Variants in HDAC9 observed in about 807,000 individuals in gnomAD.
The protein encoded by HDAC9 is histone deacetylase 9, also known as MEF-2 interacting transcription repressor (MITR) protein.
Under a neutral mutation model 139.4 loss-of-function variants are expected in HDAC9, and 41 were observed. The observed-to-expected ratio is 0.29, with a 90% confidence interval of 0.23 to 0.38. The LOEUF (loss-of-function observed/expected upper bound fraction) is 0.38. Among genes scored for constraint, HDAC9 ranks in the 10% least tolerant of loss-of-function variants. The pLI, the probability that HDAC9 is intolerant of heterozygous loss-of-function variation, is 1.00. For synonymous variants in HDAC9, 517 were observed against 476.2 expected (o/e 1.09, Z -1.12); for missense variants, 1,147 against 1,297.0 (o/e 0.88, Z 1.78).
chr7:18,606,814 A>AT (rs916034962), intron 6 of HDAC9, among the ~76,000 whole-genome samples: 30 of 152,278 alleles, frequency 2.0e-4, no homozygotes, highest in African/African-American at 6.5e-4. Context: ...TAAGATACTC[A>AT]TTTTTTAAAC....
chr7:18,327,086 C>T lies in HDAC9; in HGVS notation c.-42+36571C>T, dbSNP rs139964161. ...ATTATAAAATATTTATAAATGAATACTTACATTGATTTTTATTTGAGCTGG... is the reference window on the plus strand; with the variant it reads ...ATTATAAAATATTTATAAATGAATATTTACATTGATTTTTATTTGAGCTGG... On this transcript the variant is annotated intron_variant, in intron 1 of 3. Transcript: ENST00000413509. Among the ~76,000 whole-genome samples the T allele has an allele frequency of 2.6e-3, 395 of 151,798 alleles. 2 individuals are homozygous for T. Among genetic ancestry groups the T allele is most frequent in the African/African-American group, 8.6e-3 (358 of 41,456 alleles).
intron 1 of HDAC9, among the ~76,000 whole-genome samples, chr7:18,384,777 A>C (rs1349837075): frequency 6.6e-6 from 1 of 152,144 alleles, no homozygotes; most frequent in Non-Finnish European, 1.5e-5. Context: ...AAGAAAAAAA[A>C]AAAAAGGTTA....
intron 7 of HDAC9, among the ~76,000 whole-genome samples, chr7:18,631,510 G>A (rs1309006164): frequency 5.3e-5 from 8 of 151,950 alleles, no homozygotes; most frequent in Non-Finnish European, 1.0e-4. Context: ...TTAGTATCTA[G>A]TCAGAGACTA....
At chr7:18,637,568 G>A (rs977996136) in intron 8 of HDAC9, among the ~76,000 whole-genome samples, 1 of 151,994 alleles carries the variant, frequency 6.6e-6, no homozygotes, top group Non-Finnish European at 1.5e-5. Flanking sequence ...GTTTAAAAGG[G>A]TAGAGGTATT....
At chr7:18,194,823 T>C (rs919514269) in intron 2 of HDAC9, among the ~76,000 whole-genome samples, 3 of 152,192 alleles carry the variant, frequency 2.0e-5, no homozygotes, top group African/African-American at 7.2e-5. Context: ...TTTTCCTTGC[T>C]TGCCAATGTG....
At chr7:18,423,754 G>T (rs1321438539) in intron 1 of HDAC9, among the ~76,000 whole-genome samples, 2 of 152,184 alleles carry the variant, frequency 1.3e-5, no homozygotes, top group East Asian at 1.9e-4. Flanking sequence ...AGTAGAAAGT[G>T]CCAGGCCTCT....
chr7:18,593,872 AC>A (rs1251718692), intron 5 of HDAC9, 35 bp from the exon 6 acceptor site: 2 of 1,610,622 alleles, frequency 1.2e-6, no homozygotes, highest in African/African-American at 2.7e-5. Context: ...AGTAAAAACT[AC>A]CAAGTAAATA....
At chr7:18,526,872 T>A (rs1158768249) in intron 2 of HDAC9, among the ~76,000 whole-genome samples, 1 of 152,104 alleles carries the variant, frequency 6.6e-6, no homozygotes, top group Non-Finnish European at 1.5e-5. Flanking sequence ...GGTCTTAGGT[T>A]GAGCTTTAAA....
At chr7:18,251,348 G>A (rs990386189) in intron 2 of HDAC9, among the ~76,000 whole-genome samples, 16 of 152,056 alleles carry the variant, frequency 1.1e-4, no homozygotes, top group Admixed American at 8.5e-4. Context: ...CACACACTGG[G>A]GCCTGTTGGA....
Position 18,755,809 on chromosome 7 carries a change from A to G in HDAC9, c.2044-6348A>G, listed in dbSNP as rs187662513. The stretch of plus-strand genomic sequence containing the variant: ...TGCTTTAGAAATGGCTCTATGTCCT[A>G]AAATACTTTAAAATAAGTCGTAGTG... On this transcript the variant is annotated intron_variant, in intron 14 of 25. Coordinates refer to ENST00000686413, the MANE Select transcript of HDAC9 (RefSeq NM_178425.4). 8.5e-3 allele frequency among the ~76,000 whole-genome samples: 1,291 copies of G among 152,238 alleles called. 8 individuals carry two copies. Among genetic ancestry groups the G allele is most frequent in the South Asian group, 0.037 (180 of 4,826 alleles).
chr7:18,777,916 A>G (rs1790917725), intron 16 of HDAC9, among the ~76,000 whole-genome samples: 1 of 151,960 alleles, frequency 6.6e-6, no homozygotes, highest in Non-Finnish European at 1.5e-5. Flanking sequence ...AAACCTTCCA[A>G]TGATAACCTG....
chr7:18,479,445 C>T (rs1275581200), intron 1 of HDAC9, among the ~76,000 whole-genome samples: 1 of 152,108 alleles, frequency 6.6e-6, no homozygotes, highest in East Asian at 1.9e-4. Context: ...GGACAATATT[C>T]CACATATGTG....
chr7:18,907,615 G>A (rs563886368), intron 22 of HDAC9, among the ~76,000 whole-genome samples: 2 of 152,332 alleles, frequency 1.3e-5, no homozygotes, highest in African/African-American at 4.8e-5. Context: ...GGGCTTTGGA[G>A]CTATAGCTAG....
rs920436863 is a variant in HDAC9, at chr7:19,001,225, A to C, written c.*5163A>C. The C allele has an allele frequency of 1.8e-4, 27 of 152,322 alleles. No homozygotes were observed. The highest frequency in any genetic ancestry group is 5.5e-4 in the African/African-American group (23 of 41,590). 9.4% of individuals were successfully genotyped at this position (152,322 alleles called of 1,614,324 possible). A position where few individuals can be genotyped will look rare whatever the true frequency, so the allele number is the denominator to read the frequency against. On this transcript the variant is annotated 3_prime_UTR_variant, in exon 26 of 26. Transcript: ENST00000686413. ...ATGTCTTTGAGTCAAACCCACAAGC[A>C]TGAACTCTCACCTGAAAGAAAACTG...
At chr7:18,278,570 T>G (rs1796896022) in intron 2 of HDAC9, among the ~76,000 whole-genome samples, 1 of 152,050 alleles carries the variant, frequency 6.6e-6, no homozygotes, top group Non-Finnish European at 1.5e-5. Context: ...TGGTCTAGGG[T>G]TTTTCAGGGA....
chr7:18,807,672 T>C (rs1367141139), intron 17 of HDAC9, among the ~76,000 whole-genome samples: 3 of 152,192 alleles, frequency 2.0e-5, no homozygotes, highest in Non-Finnish European at 4.4e-5. Flanking sequence ...GTTTGTTTTC[T>C]TATTTGACCC....
chr7:18,954,856 A>C (rs944723545), intron 24 of HDAC9, among the ~76,000 whole-genome samples: 2 of 152,114 alleles, frequency 1.3e-5, no homozygotes, highest in Non-Finnish European at 2.9e-5. Context: ...TAGGTTTGCT[A>C]CTGTCTTGTA....
intron 8 of HDAC9, among the ~76,000 whole-genome samples, chr7:18,643,893 T>C (rs914684064): frequency 3.3e-5 from 5 of 152,022 alleles, no homozygotes; most frequent in East Asian, 1.9e-4. Context: ...GTAACTCTTA[T>C]TGTATAAAAG....
At chr7:18,572,991 G>C (rs1197401547) in intron 2 of HDAC9, among the ~76,000 whole-genome samples, 1 of 152,168 alleles carries the variant, frequency 6.6e-6, no homozygotes, top group Non-Finnish European at 1.5e-5. Flanking sequence ...AATAGTAAAG[G>C]CTTTGATTAA....
Sources: allele counts gnomAD v4.1 joint callset (sites outside exome capture counted in the v4.1 genomes callset), GRCh38; gene constraint gnomAD v4.1.1; transcripts MANE v1.5; gene names NCBI Gene and HGNC (gene_info 2026-07-23, HGNC 2026-07-21).